The following ARHGAP31 variants were observed in gnomAD, a reference collection of about 807,000 sequenced individuals.
ARHGAP31 encodes the protein rho GTPase-activating protein 31.
In ARHGAP31, 34 loss-of-function variants were observed where a neutral mutation model predicts 113.9. That is an observed-to-expected ratio of 0.30 (90% CI 0.23 to 0.40). ARHGAP31 has a LOEUF of 0.40. Ranked by LOEUF, ARHGAP31 falls within the 10% of genes least tolerant of loss-of-function variation. The pLI, the probability that ARHGAP31 is intolerant of heterozygous loss-of-function variation, is 1.00. For synonymous variants in ARHGAP31, 650 were observed against 684.8 expected (o/e 0.95, Z 0.79); for missense variants, 1,548 against 1,767.1 (o/e 0.88, Z 2.22).
chr3:119,339,279 T>G (rs1282679173), intron 1 of ARHGAP31, among the ~76,000 whole-genome samples: 1 of 152,160 alleles, frequency 6.6e-6, no homozygotes, highest in Non-Finnish European at 1.5e-5. Flanking sequence ...AGGGTAGCAG[T>G]TATGGAGAAG....
chr3:119,300,838 AAAAAAAAG>A (rs1190593092), intron 1 of ARHGAP31, among the ~76,000 whole-genome samples: 4 of 137,556 alleles, frequency 2.9e-5, no homozygotes, highest in Non-Finnish European at 6.2e-5. Context: ...CTCAAAAAAA[AAAAAAAAG>A]AAAGAAAGAA....
At chr3:119,305,913 C>T (rs189959737) in intron 1 of ARHGAP31, among the ~76,000 whole-genome samples, 7 of 152,298 alleles carry the variant, frequency 4.6e-5, no homozygotes, top group East Asian at 3.9e-4. Flanking sequence ...AATCTGTAAA[C>T]GTCCTGTTTT....
chr3:119,317,294 T>C (rs1386411572), intron 1 of ARHGAP31, among the ~76,000 whole-genome samples: 1 of 152,110 alleles, frequency 6.6e-6, no homozygotes, highest in African/African-American at 2.4e-5. Context: ...TTCTCCTGGC[T>C]CAGCCTCCCG....
intron 1 of ARHGAP31, among the ~76,000 whole-genome samples, chr3:119,302,240 T>C (rs2079590693): frequency 6.6e-6 from 1 of 152,228 alleles, no homozygotes; most frequent in African/African-American, 2.4e-5. Context: ...CTGCTGGAAC[T>C]TCAGGAGTCT....
At chr3:119,352,518 C>T (rs887201569) in intron 1 of ARHGAP31, among the ~76,000 whole-genome samples, 9 of 152,180 alleles carry the variant, frequency 5.9e-5, no homozygotes, top group East Asian at 1.9e-4. Context: ...TGACGAACCA[C>T]GAGAGGTTGT....
At chr3:119,377,563 C>G (rs545868820) in intron 3 of ARHGAP31, among the ~76,000 whole-genome samples, 5 of 152,192 alleles carry the variant, frequency 3.3e-5, no homozygotes, top group Non-Finnish European at 4.4e-5. Flanking sequence ...TGGAGCAAGG[C>G]AGGTGGAAAT....
chr3:119,353,239 C>G lies in ARHGAP31; in HGVS notation c.101-12077C>G, dbSNP rs1449700469. ...CCCAACGTGGTCCCTCTCAAGACAGCTGGCTCTCTAAAAACGCACACAATT... is the reference window on the plus strand; with the variant it reads ...CCCAACGTGGTCCCTCTCAAGACAGGTGGCTCTCTAAAAACGCACACAATT... On this transcript the variant is annotated intron_variant, in intron 1 of 11. Transcript: ENST00000264245. Among the ~76,000 whole-genome samples, 25 of 152,196 alleles carry G rather than the reference C, an allele frequency of 1.6e-4. 1 individual carries two copies. The highest frequency in any genetic ancestry group is 1.4e-3 in the Admixed American group (22 of 15,276).
intron 1 of ARHGAP31, among the ~76,000 whole-genome samples, chr3:119,314,953 T>A (rs552143725): frequency 6.6e-6 from 1 of 152,216 alleles, no homozygotes; most frequent in Non-Finnish European, 1.5e-5. Context: ...CCCACTGCCA[T>A]AGTGGAAGGA....
chr3:119,330,743 CT>C (rs1159255036), intron 1 of ARHGAP31, among the ~76,000 whole-genome samples: 2 of 152,182 alleles, frequency 1.3e-5, no homozygotes, highest in African/African-American at 4.8e-5. Flanking sequence ...CCTTGTCCTC[CT>C]TTATCTCTTT....
At chr3:119,333,510 A>G (rs1285411097) in intron 1 of ARHGAP31, among the ~76,000 whole-genome samples, 2 of 152,140 alleles carry the variant, frequency 1.3e-5, no homozygotes, top group Non-Finnish European at 2.9e-5. Flanking sequence ...CTTTTTTCTT[A>G]ATACATGTGA....
chr3:119,407,470 C>A lies in ARHGAP31; in HGVS notation c.1646-2026C>A, dbSNP rs182213867. On this transcript the variant is annotated intron_variant, in intron 10 of 11. Transcript: ENST00000264245. ...ATATGTTAAGTGAGAAAATGTAAAG[C>A]AAACAACAATCTGTATCACATAGTG... Among the ~76,000 whole-genome samples the A allele has an allele frequency of 5.9e-5, 9 of 152,078 alleles. No homozygotes were observed. In the East Asian group the frequency reaches 1.7e-3, roughly 29 times the overall value.
chr3:119,388,692 G>A (rs113118237), intron 6 of ARHGAP31, among the ~76,000 whole-genome samples: 1 of 152,138 alleles, frequency 6.6e-6, no homozygotes, highest in African/African-American at 2.4e-5. Context: ...TCTATGGAAG[G>A]AGAGATGCAT....
At chr3:119,347,898 A>C (rs913100848) in intron 1 of ARHGAP31, among the ~76,000 whole-genome samples, 43 of 152,376 alleles carry the variant, frequency 2.8e-4, no homozygotes, top group African/African-American at 1.0e-3. Flanking sequence ...GATCTGTTTG[A>C]TATTCAGATT....
chr3:119,380,679 C>G (rs895600353), intron 3 of ARHGAP31, among the ~76,000 whole-genome samples: 1 of 152,054 alleles, frequency 6.6e-6, no homozygotes, highest in Non-Finnish European at 1.5e-5. Context: ...TCCCAGGCAG[C>G]CCACCGCCTG....
At chr3:119,326,311 G>A (rs773977785) in intron 1 of ARHGAP31, among the ~76,000 whole-genome samples, 3 of 152,164 alleles carry the variant, frequency 2.0e-5, no homozygotes, top group Non-Finnish European at 4.4e-5. Flanking sequence ...TCAATCACCT[G>A]TGGATCTTGT....
intron 6 of ARHGAP31, among the ~76,000 whole-genome samples, 154 bp downstream of exon 6, chr3:119,383,380 G>C (rs1211787974): frequency 6.6e-6 from 1 of 152,188 alleles, no homozygotes; most frequent in Non-Finnish European, 1.5e-5. Context: ...TGAGGATCGT[G>C]CATATATACA....
intron 1 of ARHGAP31, among the ~76,000 whole-genome samples, chr3:119,300,681 A>C (rs965173965): frequency 1.3e-5 from 2 of 152,064 alleles, no homozygotes; most frequent in Non-Finnish European, 1.5e-5. Context: ...ATACAAAAAA[A>C]AATTAGCTGA....
chr3:119,401,697 G>T, intron 9 of ARHGAP31, 125 bp from the exon 10 acceptor site: 1 of 870,578 alleles, frequency 1.1e-6, no homozygotes. Flanking sequence ...TATCTGGGCG[G>T]TTATGCCCCT....
At chr3:119,344,898 G>A (rs761181730) in intron 1 of ARHGAP31, among the ~76,000 whole-genome samples, 9 of 151,952 alleles carry the variant, frequency 5.9e-5, no homozygotes, top group South Asian at 4.1e-4. Context: ...TTTTTTACCC[G>A]AATTGAGATG....
Sources: allele counts gnomAD v4.1 joint callset (sites outside exome capture counted in the v4.1 genomes callset), GRCh38; gene constraint gnomAD v4.1.1; transcripts MANE v1.5; gene names NCBI Gene and HGNC (gene_info 2026-07-23, HGNC 2026-07-21).